The following SENP1 variants were observed in gnomAD, a reference collection of about 807,000 sequenced individuals.
SENP1 encodes the protein SUMO specific peptidase 1, also known as sentrin-specific protease 1.
A neutral mutation model predicts 93.0 loss-of-function variants in SENP1; 21 were observed. The observed-to-expected ratio is 0.23, with a 90% CI of 0.16 to 0.33. The LOEUF (loss-of-function observed/expected upper bound fraction) is 0.33. Among genes scored for constraint, SENP1 ranks in the 10% least tolerant of loss-of-function variants. SENP1 has a pLI of 1.00. For missense variants in SENP1, 591 were observed against 758.7 expected (o/e 0.78, Z 2.60); for synonymous variants, 256 against 259.6 (o/e 0.99, Z 0.13).
In SENP1 at chr12:48,094,042, CAGAT is replaced by C. The variant is rs143775825; in HGVS notation, c.220+2297_220+2300del. On this transcript the variant is annotated intron_variant, in intron 4 of 17. Transcript: ENST00000549518. ...GCAATGTGTATGAGGTATGTACACA[CAGAT>C]AATCGGAAGAGATCACAGAGACTTG... Among the ~76,000 whole-genome samples, 721 of 152,262 alleles carry C rather than the reference CAGAT, an allele frequency of 4.7e-3. 6 individuals are homozygous for C. The highest frequency in any genetic ancestry group is 0.016 in the African/African-American group (647 of 41,556).
rs868621556 is a variant in SENP1 at position 48,104,699 on chromosome 12, T to A, written c.-45+1329A>T. 2.0e-4 allele frequency among the ~76,000 whole-genome samples: 31 copies of A among 152,246 alleles called. No homozygotes were observed. The Middle Eastern group carries it at 0.01, about 50-fold the overall frequency. On this transcript the variant is annotated intron_variant, in intron 1 of 17. Coordinates refer to ENST00000549518, the MANE Select transcript of SENP1 (RefSeq NM_001267594.2). ...GAGCTGGTACAACTGATAGAAGATG[T>A]AGAAGTTGGGAAGAAAAGGACAAGA...
At chr12:48,054,283 C>T (rs540830569) in intron 13 of SENP1, among the ~76,000 whole-genome samples, 24 of 152,110 alleles carry the variant, frequency 1.6e-4, no homozygotes, top group Non-Finnish European at 2.9e-4. Context: ...TCACGTATTT[C>T]GAAGTTCTGT....
At chr12:48,066,329 A>G (rs147594930) in intron 10 of SENP1, among the ~76,000 whole-genome samples, 7 of 152,286 alleles carry the variant, frequency 4.6e-5, no homozygotes, top group African/African-American at 1.7e-4. Context: ...ATTATTCAAT[A>G]AATTAGTTTT....
chr12:48,067,081 T>C (rs565387961), intron 9 of SENP1, 116 bp from the exon 10 acceptor site: 120 of 690,516 alleles, frequency 1.7e-4, no homozygotes, highest in Non-Finnish European at 2.9e-4. Flanking sequence ...TTTACAAGTA[T>C]GGAATAAGTA....
intron 13 of SENP1, among the ~76,000 whole-genome samples, chr12:48,059,723 T>C (rs1163741310): frequency 2.2e-5 from 3 of 134,948 alleles, no homozygotes; most frequent in Non-Finnish European, 5.4e-5. Flanking sequence ...TTGGCTTTTC[T>C]CTGGGATATA....
At chr12:48,102,124 T>C (rs55953382) in intron 1 of SENP1, among the ~76,000 whole-genome samples, 8,955 of 152,232 alleles carry the variant, frequency 0.059, 350 homozygotes, top group Non-Finnish European at 0.093. Context: ...AAAATAAAGA[T>C]GTTAAAAACC....
intron 9 of SENP1, among the ~76,000 whole-genome samples, chr12:48,067,986 G>A (rs1271243721): frequency 6.6e-6 from 1 of 151,958 alleles, no homozygotes; most frequent in Non-Finnish European, 1.5e-5. Context: ...TCAGCCTCCT[G>A]AGTAGCTGGG....
In SENP1 at chr12:48,074,602, C is replaced by T. The variant is rs1254166117; in HGVS notation, c.662G>A (p.Arg221Gln). The T allele has an allele frequency of 1.2e-5, 19 of 1,611,180 alleles. No individual in the cohort carries two copies. The highest frequency in any genetic ancestry group is 2.7e-5 in the African/African-American group (2 of 74,908). The change falls in exon 8 of 18, where the codon CGA becomes CAA. Residue 221 changes from arginine (R) to glutamine (Q), a missense_variant. Around this residue, in one of 4 missense-constraint regions of SENP1, gnomAD observed 7 missense variants for 26.1 expected, o/e 0.27. Transcript: ENST00000549518. The stretch of plus-strand genomic sequence containing the variant: ...AGTATTTTTACTGGAACTAAGACAT[C>T]GAGACCTAGCAAGAGAAGAATATTG... ...PTTHFPLHLSRCLSSSKNTLK... is the reference protein window; with the variant it reads ...PTTHFPLHLSQCLSSSKNTLK...
chr12:48,100,865 TA>T (rs1179126642), intron 2 of SENP1, among the ~76,000 whole-genome samples: 1 of 152,224 alleles, frequency 6.6e-6, no homozygotes, highest in African/African-American at 2.4e-5. Flanking sequence ...AATGAACCAA[TA>T]TATTTTAAAT....
rs139067293 is a variant in SENP1, at chr12:48,073,681, G to C, written c.940+643C>G. ...TTGAAAGTTACGTAGAAAACTTTTT[G>C]CTTCCAATGCTGACAATCATTCTAA... On this transcript the variant is annotated intron_variant, in intron 8 of 17. Transcript: ENST00000549518. Among the ~76,000 whole-genome samples the C allele has an allele frequency of 1.7e-3, 259 of 152,240 alleles. 1 individual carries two copies. The highest frequency in any genetic ancestry group is 6.1e-3 in the African/African-American group (252 of 41,548).
chr12:48,060,279 A>G (rs563917659), intron 13 of SENP1, among the ~76,000 whole-genome samples: 1 of 152,256 alleles, frequency 6.6e-6, no homozygotes, highest in African/African-American at 2.4e-5. Flanking sequence ...AGTTTTATTT[A>G]CTTGTATACC....
At chr12:48,065,306 T>C in intron 11 of SENP1, 86 bp from the exon 12 acceptor site, 2 of 1,115,706 alleles carry the variant, frequency 1.8e-6, no homozygotes, top group Admixed American at 2.8e-5. Context: ...CCAATAAACC[T>C]GTCATAAGTC....
At chr12:48,105,580 A>G (rs1199251311) in intron 1 of SENP1, 5 of 482,642 alleles carry the variant, frequency 1.0e-5, no homozygotes, top group Non-Finnish European at 1.7e-5. Context: ...TAGTCAAGAA[A>G]TATCACTCGG....
intron 6 of SENP1, among the ~76,000 whole-genome samples, chr12:48,082,092 T>C (rs1944531948): frequency 6.6e-6 from 1 of 152,018 alleles, no homozygotes; most frequent in African/African-American, 2.4e-5. Context: ...GGTTTCACTG[T>C]ATTAGCCAGG....
chr12:48,073,419 T>C (rs1185132464), intron 8 of SENP1, among the ~76,000 whole-genome samples: 1 of 150,704 alleles, frequency 6.6e-6, no homozygotes, highest in Non-Finnish European at 1.5e-5. Flanking sequence ...TACAAATAGA[T>C]TAAAAAAAAA....
At position 48,063,224 on chromosome 12, in the gene SENP1, A is replaced by T. The variant is rs1324145712; in HGVS notation, c.1407+486T>A. Among the ~76,000 whole-genome samples, 3 of 152,186 alleles carry T rather than the reference A, an allele frequency of 2.0e-5. No individual in the cohort carries two copies. In the East Asian group the frequency reaches 5.8e-4, roughly 29 times the overall value. On this transcript the variant is annotated intron_variant, in intron 13 of 17. Transcript: ENST00000549518. The stretch of plus-strand genomic sequence containing the variant: ...AATATAACTTTTTCAATGTCCATTT[A>T]AAAAATATCATACATAAATGGAGGC...
chr12:48,088,845 T>C lies in SENP1; in HGVS notation c.336A>G (p.Ser112=). ...TPSSSSSLQK[S]RNSRSLYLET... ...CGAGGTAAAGACTTCGGCTGTTTCT[T>C]GATTTTTGTAAAGATGAGCTTGACG... The change falls in exon 5 of 18, where the codon TCA becomes TCG. Residue 112 remains serine (S), a synonymous_variant. Coordinates refer to ENST00000549518, the MANE Select transcript of SENP1 (RefSeq NM_001267594.2). The C allele has an allele frequency of 6.2e-7, 1 of 1,608,792 alleles. No homozygotes were observed. Among genetic ancestry groups the C allele is most frequent in the Non-Finnish European group, 8.5e-7 (1 of 1,177,384 alleles).
chr12:48,061,655 A>T (rs1592334721), intron 13 of SENP1, among the ~76,000 whole-genome samples: 1 of 151,920 alleles, frequency 6.6e-6, no homozygotes, highest in African/African-American at 2.4e-5. Flanking sequence ...TGATCCTCTC[A>T]CCTTAGCCAT....
At chr12:48,085,020 T>A (rs1339779061) in intron 5 of SENP1, 6 of 969,356 alleles carry the variant, frequency 6.2e-6, no homozygotes, top group Non-Finnish European at 9.1e-6. Context: ...GAAATGAGAG[T>A]GGCTTCTGGT....
Sources: allele counts gnomAD v4.1 joint callset (sites outside exome capture counted in the v4.1 genomes callset), GRCh38; gene constraint gnomAD v4.1.1; regional missense constraint gnomAD v4.1.1; transcripts MANE v1.5; gene names NCBI Gene and HGNC (gene_info 2026-07-23, HGNC 2026-07-21).